The following TRRAP variants were observed in gnomAD, a reference collection of about 807,000 sequenced individuals.
The protein encoded by TRRAP is transformation/transcription domain-associated protein.
Under a neutral mutation model 438.8 loss-of-function variants are expected in TRRAP, and 41 were observed. The observed-to-expected ratio is 0.09, with a 90% CI of 0.07 to 0.12. The LOEUF is 0.12. Ranked by LOEUF, TRRAP falls within the 10% of genes least tolerant of loss-of-function variation. The pLI, the probability that TRRAP is intolerant of heterozygous loss-of-function variation, is 1.00. For synonymous variants in TRRAP, 1,994 were observed against 1,962.9 expected (o/e 1.02, Z -0.42); for missense variants, 3,122 against 5,055.1 (o/e 0.62, Z 11.60).
intron 13 of TRRAP, 146 bp downstream of exon 13, chr7:98,906,401 G>GA: frequency 3.5e-6 from 1 of 284,828 alleles, no homozygotes; most frequent in Non-Finnish European, 6.5e-6. Flanking sequence ...TTTTGTTTTT[G>GA]TTTTATTTAT....
At chr7:98,958,140 A>G (rs782603126) in intron 44 of TRRAP, 49 bp downstream of exon 44, 10 of 1,497,004 alleles carry the variant, frequency 6.7e-6, no homozygotes, top group Non-Finnish European at 3.7e-6. Flanking sequence ...ACCAGAGGCT[A>G]CTGACTAACA....
In TRRAP at chr7:98,971,518, G is replaced by A. The variant is rs545001808; in HGVS notation, c.7693-281G>A. ...TTCCATTAATCTTTATTATTTTTACGTTTAAAGTTTATTCTTTTAAATTGT... is the reference window on the plus strand; with the variant it reads ...TTCCATTAATCTTTATTATTTTTACATTTAAAGTTTATTCTTTTAAATTGT... On this transcript the variant is annotated intron_variant, in intron 52 of 72. Transcript: ENST00000456197. Among the ~76,000 whole-genome samples the A allele has an allele frequency of 1.4e-4, 22 of 152,246 alleles. 1 individual carries two copies. Among genetic ancestry groups the A allele is most frequent in the Middle Eastern group, 3.4e-3 (1 of 294 alleles).
chr7:98,994,522 T>C lies in TRRAP; in HGVS notation c.10048-65T>C. 1 of 1,601,560 alleles carries C rather than the reference T, an allele frequency of 6.2e-7. No individual in the cohort carries two copies. Among genetic ancestry groups the C allele is most frequent in the East Asian group, 2.2e-5 (1 of 44,768 alleles). On this transcript the variant is annotated intron_variant, in intron 66 of 72. Coordinates refer to ENST00000456197, the MANE Select transcript of TRRAP (RefSeq NM_001375524.1). The surrounding 1 kb of genome is among the most constrained non-coding windows in gnomAD (Gnocchi z 4.8). Reference sequence around the variant, plus strand: ...TGGGAGGGCCGCACTCAATAGGCGCTTTTGGCTGCTGGTTCTGGAGTGGAG... The same window carrying C: ...TGGGAGGGCCGCACTCAATAGGCGCCTTTGGCTGCTGGTTCTGGAGTGGAG...
chr7:98,957,521 C>T (rs1462033354), intron 43 of TRRAP, among the ~76,000 whole-genome samples: 2 of 152,168 alleles, frequency 1.3e-5, no homozygotes, highest in African/African-American at 2.4e-5. Flanking sequence ...CTCCAGGGCC[C>T]GGGTGACCAG....
intron 39 of TRRAP, among the ~76,000 whole-genome samples, chr7:98,951,767 G>A (rs1791348577): frequency 6.6e-6 from 1 of 152,200 alleles, no homozygotes; most frequent in Non-Finnish European, 1.5e-5. Flanking sequence ...TGTCCTTTCA[G>A]CTGGGCCTCC....
At chr7:98,977,119 G>A in intron 56 of TRRAP, 43 bp downstream of exon 56, 2 of 1,610,800 alleles carry the variant, frequency 1.2e-6, no homozygotes, top group Non-Finnish European at 1.7e-6. Flanking sequence ...GTAATGAGAG[G>A]TCATTTATAA....
At chr7:98,945,210 CTTG>C (rs1433037006) in intron 31 of TRRAP, among the ~76,000 whole-genome samples, 1 of 152,188 alleles carries the variant, frequency 6.6e-6, no homozygotes, top group Non-Finnish European at 1.5e-5. Flanking sequence ...CGCGTGACCA[CTTG>C]TTATGTGTAT....
chr7:98,893,169 C>T (rs1431679063), intron 5 of TRRAP, among the ~76,000 whole-genome samples: 1 of 152,126 alleles, frequency 6.6e-6, no homozygotes, highest in Non-Finnish European at 1.5e-5. Flanking sequence ...TCAGGCTTGT[C>T]TTGAACTCCT....
Position 99,007,861 on chromosome 7 carries a change from C to T in TRRAP, c.10754-516C>T, listed in dbSNP as rs1327274766. ...TTTTTCTTTGAGATGGAGTCTCGCT[C>T]TGTCGCCAGGCTGGAGTGCTGTGGC... On this transcript the variant is annotated intron_variant, in intron 69 of 72. Coordinates refer to ENST00000456197, the MANE Select transcript of TRRAP (RefSeq NM_001375524.1). 4.2e-5 allele frequency among the ~76,000 whole-genome samples: 6 copies of T among 144,216 alleles called. No homozygotes were observed. The Admixed American group carries it at 4.2e-4, about 10-fold the overall frequency. 94.6% of individuals were successfully genotyped at this position (144,216 alleles called of 152,430 possible).
Position 98,931,511 on chromosome 7 carries a change from C to T in TRRAP, c.3698C>T (p.Ala1233Val), listed in dbSNP as rs1554412888. The T allele has an allele frequency of 1.2e-6, 2 of 1,614,118 alleles. No individual in the cohort carries two copies. Among genetic ancestry groups the T allele is most frequent in the Non-Finnish European group, 1.7e-6 (2 of 1,179,980 alleles). The change falls in exon 26 of 73, where the codon GCC becomes GTC. Residue 1233 changes from alanine to valine, a missense_variant. Transcript: ENST00000456197. ...DEERAEEIVA[A>V]QEKSFHHVTH... ...GAGAGAGCCGAAGAGATCGTGGCCG[C>T]CCAGGAAAAGTCTTTCCACCATGTG...
intron 48 of TRRAP, 106 bp downstream of exon 48, chr7:98,964,881 A>G: frequency 7.4e-7 from 1 of 1,353,264 alleles, no homozygotes; most frequent in Non-Finnish European, 9.8e-7. Context: ...GCATTCACCA[A>G]GTCCTGTTGT....
At chr7:98,972,777 T>C (rs964753637) in intron 53 of TRRAP, among the ~76,000 whole-genome samples, 1 of 152,224 alleles carries the variant, frequency 6.6e-6, no homozygotes. Flanking sequence ...AAACTACTTT[T>C]CGCAAGTGAT....
chr7:98,972,092 C>T, intron 53 of TRRAP, 147 bp downstream of exon 53: 2 of 1,189,112 alleles, frequency 1.7e-6, no homozygotes, highest in South Asian at 1.7e-5. Flanking sequence ...ACCCAGCCTG[C>T]AGTCTAGTGG....
At position 99,005,577 on chromosome 7, in the gene TRRAP, A is replaced by G. The variant is rs951677272; in HGVS notation, c.10753+229A>G. Among the ~76,000 whole-genome samples the G allele has an allele frequency of 1.8e-4, 27 of 152,220 alleles. No individual in the cohort carries two copies. The highest frequency in any genetic ancestry group is 2.9e-5 in the Non-Finnish European group (2 of 68,040). On this transcript the variant is annotated intron_variant, in intron 69 of 72. Transcript: ENST00000456197. This position sits in a 1 kb window ranked among gnomAD's most constrained non-coding sequence, Gnocchi z 5.1. Reference sequence around the variant, plus strand: ...TGAGAGCTGTGTCCACCTTTCCTCTAAGGCGAGCTTGTCCAACCTGCGGGC... The same window carrying G: ...TGAGAGCTGTGTCCACCTTTCCTCTGAGGCGAGCTTGTCCAACCTGCGGGC...
chr7:98,906,739 T>G (rs1554407589), intron 13 of TRRAP, among the ~76,000 whole-genome samples: 1 of 152,024 alleles, frequency 6.6e-6, no homozygotes, highest in African/African-American at 2.4e-5. Context: ...AGCCAAGAAT[T>G]GCAGGATTTT....
chr7:98,926,997 T>C (rs1290624325), intron 22 of TRRAP, among the ~76,000 whole-genome samples, 170 bp from the exon 23 acceptor site: 1 of 152,098 alleles, frequency 6.6e-6, no homozygotes, highest in Non-Finnish European at 1.5e-5. Flanking sequence ...CCAGCCTGGG[T>C]GACAGAGCGA....
intron 29 of TRRAP, 113 bp downstream of exon 29, chr7:98,937,390 G>T: frequency 7.0e-7 from 1 of 1,424,094 alleles, no homozygotes; most frequent in Non-Finnish European, 9.3e-7. Flanking sequence ...ATGCCTAAAA[G>T]GCTTTATGCA....
intron 14 of TRRAP, among the ~76,000 whole-genome samples, chr7:98,909,465 G>A (rs1796959213): frequency 6.6e-6 from 1 of 152,214 alleles, no homozygotes; most frequent in African/African-American, 2.4e-5. Context: ...CACTTGGGGT[G>A]ATGATATCTG....
chr7:98,928,931 G>A (rs931397791), intron 23 of TRRAP, among the ~76,000 whole-genome samples: 19 of 149,252 alleles, frequency 1.3e-4, no homozygotes, highest in African/African-American at 4.2e-4. Context: ...GTAACACCAC[G>A]CCCGGCTAAT....
Sources: gnomAD v4.1 joint callset for allele counts (sites outside exome capture counted in the v4.1 genomes callset) on GRCh38, gnomAD v4.1.1 for gene constraint, Gnocchi (gnomAD v3.1) non-coding constraint, MANE v1.5 for transcripts, NCBI Gene and HGNC (gene_info 2026-07-23, HGNC 2026-07-21) for gene names.